Variants in IL1R2 observed in about 807,000 individuals in gnomAD.
IL1R2 encodes interleukin-1 receptor type 2.
In IL1R2, 46 loss-of-function variants were observed where a neutral mutation model predicts 39.5. That is an observed-to-expected ratio of 1.16 (90% CI 0.92 to 1.49). IL1R2 has a LOEUF of 1.49. IL1R2 is among the 40% of genes most tolerant of loss of function. The probability of loss-of-function intolerance (pLI) is 0.00; values close to 1 mark genes in which losing one functional copy is unlikely to be tolerated. For synonymous variants in IL1R2, 207 were observed against 189.6 expected (o/e 1.09, Z -0.75); for missense variants, 537 against 502.0 (o/e 1.07, Z -0.67).
chr2:102,022,332 C>G, intron 6 of IL1R2, 83 bp downstream of exon 6: 1 of 1,148,024 alleles, frequency 8.7e-7, no homozygotes, highest in Non-Finnish European at 1.3e-6. Context: ...ACCCTTGCGT[C>G]TGCTGATCAT....
At chr2:102,002,942 G>A (rs13027393) in intron 1 of IL1R2, among the ~76,000 whole-genome samples, 1 of 150,996 alleles carries the variant, frequency 6.6e-6, no homozygotes, top group Non-Finnish European at 1.5e-5. Context: ...GTCTGTGTCT[G>A]TGTCTGTGCC....
At chr2:102,021,536 G>A (rs1165237581) in intron 5 of IL1R2, among the ~76,000 whole-genome samples, 3 of 152,070 alleles carry the variant, frequency 2.0e-5, no homozygotes, top group African/African-American at 7.2e-5. Context: ...GGCTGGTCTC[G>A]AACTCCTGAC....
intron 1 of IL1R2, among the ~76,000 whole-genome samples, chr2:101,993,061 C>G (rs185860284): frequency 4.4e-4 from 67 of 152,156 alleles, no homozygotes; most frequent in Non-Finnish European, 8.2e-4. Context: ...CACTGAGACC[C>G]GTTTCTACCG....
chr2:102,006,287 C>A lies in IL1R2; in HGVS notation c.-61-2228C>A, dbSNP rs1339098346. Among the ~76,000 whole-genome samples, 4 of 152,156 alleles carry A rather than the reference C, an allele frequency of 2.6e-5. No homozygotes were observed. The East Asian group carries it at 7.7e-4, about 29-fold the overall frequency. ...TGTGACCTTCATCTGGCAAACCTGA[C>A]AGTATGGTTAGGGGTAAAGTCACAG... On this transcript the variant is annotated intron_variant, in intron 1 of 8. Coordinates refer to ENST00000332549, the MANE Select transcript of IL1R2 (RefSeq NM_004633.4).
intron 1 of IL1R2, among the ~76,000 whole-genome samples, chr2:102,005,242 C>T (rs1394099742): frequency 6.6e-6 from 1 of 152,068 alleles, no homozygotes; most frequent in Non-Finnish European, 1.5e-5. Flanking sequence ...CATGGTGGGG[C>T]CCTTTCATTT....
Position 102,008,634 on chromosome 2 carries a change from C to T in IL1R2, c.59C>T (p.Ala20Val). 1 of 1,613,690 alleles carries T rather than the reference C, an allele frequency of 6.2e-7. No homozygotes were observed. Among genetic ancestry groups the T allele is most frequent in the Non-Finnish European group, 8.5e-7 (1 of 1,179,592 alleles). Residue 20 changes from alanine (A) to valine (V), a missense_variant, in exon 2 of 9, where the codon GCA (alanine) becomes GTA (valine). By Grantham distance (64) the Ala-to-Val change is moderately conservative (BLOSUM62 0). Transcript: ENST00000332549. Reference protein sequence around the residue: ...GVSAFTLQPAAHTGAARSCRF... With the variant: ...GVSAFTLQPAVHTGAARSCRF... The stretch of plus-strand genomic sequence containing the variant: ...TCTGCCTTCACCCTTCAGCCTGCGG[C>T]ACACACAGGTTAGAAGTAAACCTTT...
intron 3 of IL1R2, 24 bp from the exon 4 acceptor site, chr2:102,015,847 T>C (rs1676961180): frequency 1.9e-6 from 3 of 1,580,842 alleles, no homozygotes; most frequent in Admixed American, 1.7e-5. Context: ...TTGCCATTTA[T>C]CTTTTTTTTC....
At chr2:102,023,118 A>C (rs1172539500) in intron 6 of IL1R2, among the ~76,000 whole-genome samples, 1 of 152,188 alleles carries the variant, frequency 6.6e-6, no homozygotes, top group Non-Finnish European at 1.5e-5. Flanking sequence ...TAGGTCTGTT[A>C]CTCATTTATG....
chr2:101,995,802 T>C (rs1388758469), intron 1 of IL1R2, among the ~76,000 whole-genome samples: 5 of 152,190 alleles, frequency 3.3e-5, no homozygotes, highest in Non-Finnish European at 7.3e-5. Context: ...CAGGTCATTG[T>C]CAAAACAGAA....
At chr2:102,023,485 G>A (rs1383575968) in intron 6 of IL1R2, 1 of 152,226 alleles carries the variant, frequency 6.6e-6, no homozygotes, top group Non-Finnish European at 1.5e-5. Flanking sequence ...TTAGTAGGTT[G>A]TTACGGCTGA....
chr2:101,992,264 G>C (rs1251520099), intron 1 of IL1R2, among the ~76,000 whole-genome samples: 1 of 150,752 alleles, frequency 6.6e-6, no homozygotes, highest in African/African-American at 2.5e-5. Flanking sequence ...GAGGCAGAGA[G>C]ACAGAGAGAG....
At chr2:101,995,918 G>A (rs556939566) in intron 1 of IL1R2, among the ~76,000 whole-genome samples, 2 of 152,276 alleles carry the variant, frequency 1.3e-5, no homozygotes, top group African/African-American at 4.8e-5. Flanking sequence ...AGGAGCAAGT[G>A]AGTGGATTGA....
Position 102,008,515 on chromosome 2 carries a change from G to A in IL1R2, c.-61G>A. On this transcript the variant is annotated splice_region_variant and 5_prime_UTR_variant, in exon 2 of 9. Coordinates refer to ENST00000332549, the MANE Select transcript of IL1R2 (RefSeq NM_004633.4). The stretch of plus-strand genomic sequence containing the variant: ...GTGACACCTCTGTTTCCTCCCCTAG[G>A]CCACGTGCTGCTGGGTCTCAGTCCT... 3.7e-6 allele frequency: 5 copies of A among 1,354,692 alleles called. No homozygotes were observed. The Middle Eastern group carries it at 5.9e-4, about 159-fold the overall frequency. 83.9% of individuals were successfully genotyped at this position (1,354,692 alleles called of 1,614,324 possible).
chr2:102,022,117 C>T, intron 5 of IL1R2, 70 bp from the exon 6 acceptor site: 1 of 1,292,430 alleles, frequency 7.7e-7, no homozygotes, highest in African/African-American at 1.5e-5. Context: ...ATTAGCCAAA[C>T]AATGACTTGA....
chr2:102,022,249 G>A lies in IL1R2; in HGVS notation c.751G>A (p.Gly251Arg). Reference protein sequence around the residue: ...SPLKTISASLGSRLTIPCKVF... With the variant: ...SPLKTISASLRSRLTIPCKVF... The stretch of plus-strand genomic sequence containing the variant: ...CCTCAAGACCATATCAGCTTCTCTG[G>A]GTAAGGCCCACAAGGACCATGCATT... The change falls in exon 6 of 9, where the codon GGG becomes AGG. Residue 251 changes from glycine (G) to arginine (R), a missense_variant and splice_region_variant. Gly to Arg is a moderately radical substitution (Grantham distance 125, BLOSUM62 -2). Coordinates refer to ENST00000332549, the MANE Select transcript of IL1R2 (RefSeq NM_004633.4). 6.2e-7 allele frequency: 1 copy of A among 1,613,142 alleles called. No homozygotes were observed. The highest frequency in any genetic ancestry group is 8.5e-7 in the Non-Finnish European group (1 of 1,179,098).
At chr2:102,020,545 T>C (rs1273857880) in intron 5 of IL1R2, among the ~76,000 whole-genome samples, 1 of 152,172 alleles carries the variant, frequency 6.6e-6, no homozygotes, top group African/African-American at 2.4e-5. Context: ...TTCAGAGAGC[T>C]TCAGAGACAC....
At position 102,024,433 on chromosome 2, in the gene IL1R2, G is replaced by C. The variant is rs371294484; in HGVS notation, c.752-100G>C. Reference sequence around the variant, plus strand: ...TACCAAGGAAAGAATTGGGTGGTGAGGGGTGTTTGAGAAGCCGAGGAGGGA... The same window carrying C: ...TACCAAGGAAAGAATTGGGTGGTGACGGGTGTTTGAGAAGCCGAGGAGGGA... On this transcript the variant is annotated intron_variant, in intron 6 of 8. Transcript: ENST00000332549. The C allele has an allele frequency of 5.1e-6, 4 of 790,448 alleles. No individual in the cohort carries two copies. The African/African-American group carries it at 6.8e-5, about 13-fold the overall frequency. 49.0% of individuals were successfully genotyped at this position (790,448 alleles called of 1,614,324 possible). A position where few individuals can be genotyped will look rare whatever the true frequency, so the allele number is the denominator to read the frequency against.
intron 1 of IL1R2, among the ~76,000 whole-genome samples, chr2:102,002,782 A>ATATCTATATCTATG (rs1553613529): frequency 0.044 from 6,445 of 146,802 alleles, 519 homozygotes; most frequent in African/African-American, 0.15. Flanking sequence ...CTATATCTAT[A>ATATCTATATCTATG]TCTATATCTG....
At position 101,992,190 on chromosome 2, in the gene IL1R2, G is replaced by A. The variant is rs568295067; in HGVS notation, c.-62+179G>A. On this transcript the variant is annotated intron_variant, in intron 1 of 8. Transcript: ENST00000332549. Reference sequence around the variant, plus strand: ...GGCAGAGAGAAGAGAGAGAGATGGAGAGACAGGCAGAGAGACAGAAAGAGG... The same window carrying A: ...GGCAGAGAGAAGAGAGAGAGATGGAAAGACAGGCAGAGAGACAGAAAGAGG... Among the ~76,000 whole-genome samples, 8 of 151,254 alleles carry A rather than the reference G, an allele frequency of 5.3e-5. No individual in the cohort carries two copies. In the East Asian group the frequency reaches 9.8e-4, roughly 19 times the overall value.
Sources: gnomAD v4.1 joint callset for allele counts (sites outside exome capture counted in the v4.1 genomes callset) on GRCh38, gnomAD v4.1.1 for gene constraint, MANE v1.5 for transcripts, NCBI Gene and HGNC (gene_info 2026-07-23, HGNC 2026-07-21) for gene names.